The following MDM1 variants were observed in gnomAD, a reference collection of about 807,000 sequenced individuals.
The protein encoded by MDM1 is stabilizer of axonemal microtubules 6, also known as Mdm1 nuclear protein.
In MDM1, 61 loss-of-function variants were observed where a neutral mutation model predicts 89.1. The observed-to-expected ratio is 0.68, with a 90% CI of 0.56 to 0.85. The LOEUF (loss-of-function observed/expected upper bound fraction) is 0.85. Ranked by LOEUF, MDM1 falls within the 40% of genes least tolerant of loss-of-function variation. MDM1 has a pLI of 0.00. For missense variants in MDM1, 820 were observed against 846.5 expected, an observed-to-expected ratio of 0.97 and a Z score of 0.39; for synonymous variants, 290 against 294.1, an observed-to-expected ratio of 0.99 and a Z score of 0.14.
At chr12:68,329,978 C>A (rs1287630319) in intron 2 of MDM1, among the ~76,000 whole-genome samples, 1 of 152,190 alleles carries the variant, frequency 6.6e-6, no homozygotes, top group Non-Finnish European at 1.5e-5. Flanking sequence ...CCTCATCTCC[C>A]TAAGCTTCCA....
Position 68,321,555 on chromosome 12 carries a change from T to C in MDM1, c.875A>G (p.Lys292Arg). Residue 292 changes from lysine (K) to arginine (R), a missense_variant, in exon 6 of 15, where the codon AAG (lysine) becomes AGG (arginine). Physicochemically the swap from Lys to Arg is conservative, Grantham distance 26. Coordinates refer to ENST00000682720, the MANE Select transcript of MDM1 (RefSeq NM_001354969.2). The part of the protein sequence containing the change: ...ELKDLHQPKR[K>R]LTPWKHQRLG... ...CCTTTGATGTTTCCAAGGAGTAAGC[T>C]TCCTTTTAGGCTGGTGTAAGTCTTT... is the stretch of plus-strand genomic sequence containing the variant. 6.2e-7 allele frequency: 1 copy of C among 1,613,376 alleles called. No individual in the cohort carries two copies.
chr12:68,326,660 A>T lies in MDM1; in HGVS notation c.495T>A (p.Asn165Lys). 1 of 1,614,124 alleles carries T rather than the reference A, an allele frequency of 6.2e-7. No individual in the cohort carries two copies. Among genetic ancestry groups the T allele is most frequent in the Non-Finnish European group, 8.5e-7 (1 of 1,179,988 alleles). ...GAAATGCAGTGAATATGCCTACCCC[A>T]TTATCTACATTTTCTGAAAGAACCT... Reference protein sequence around the residue: ...STKVLSENVDNGLDRLLRKKA... With the variant: ...STKVLSENVDKGLDRLLRKKA... Residue 165 changes from asparagine to lysine, a missense_variant, in exon 3 of 15, where the codon AAT becomes AAA. By Grantham distance (94) the Asn-to-Lys change is moderately conservative (BLOSUM62 0). Coordinates refer to ENST00000682720, the MANE Select transcript of MDM1 (RefSeq NM_001354969.2).
chr12:68,303,640 T>TA (rs1156511383), intron 12 of MDM1, among the ~76,000 whole-genome samples: 7 of 152,206 alleles, frequency 4.6e-5, no homozygotes, highest in African/African-American at 7.2e-5. Context: ...CATCTGGTTT[T>TA]AAAAAACTGT....
chr12:68,296,340 A>G (rs961828496), intron 14 of MDM1, among the ~76,000 whole-genome samples: 1 of 152,176 alleles, frequency 6.6e-6, no homozygotes, highest in African/African-American at 2.4e-5. Context: ...TCTACTAAAA[A>G]TACAAAAATT....
Position 68,326,726 on chromosome 12 carries a change from A to G in MDM1, c.429T>C (p.His143=). 6.2e-7 allele frequency: 1 copy of G among 1,614,154 alleles called. No individual in the cohort carries two copies. The highest frequency in any genetic ancestry group is 8.5e-7 in the Non-Finnish European group (1 of 1,180,012). Residue 143 remains histidine (H), a synonymous_variant, in exon 3 of 15, where the codon CAT becomes CAC. Coordinates refer to ENST00000682720, the MANE Select transcript of MDM1 (RefSeq NM_001354969.2). ...DVENNEGVTN[H]TPVNENVELE... ...GTTCCACATTTTCATTAACTGGTGT[A>G]TGGTTTGTTACACCCTCATTATTTT...
chr12:68,315,663 G>A (rs983947794), intron 9 of MDM1, among the ~76,000 whole-genome samples: 1 of 152,084 alleles, frequency 6.6e-6, no homozygotes, highest in Non-Finnish European at 1.5e-5. Context: ...ACAGCAGAGC[G>A]CTCTTCCATA....
chr12:68,320,766 G>T (rs1260287284), intron 7 of MDM1, among the ~76,000 whole-genome samples: 2 of 152,110 alleles, frequency 1.3e-5, no homozygotes, highest in Admixed American at 6.5e-5. Flanking sequence ...TAACAAAAAG[G>T]TTCCATTCTC....
At chr12:68,317,955 T>C (rs1489056591) in intron 7 of MDM1, among the ~76,000 whole-genome samples, 2 of 152,284 alleles carry the variant, frequency 1.3e-5, no homozygotes, top group South Asian at 2.1e-4. Flanking sequence ...CATTAATACA[T>C]ATTCAATTTT....
At chr12:68,304,990 T>C (rs1872679202) in intron 12 of MDM1, among the ~76,000 whole-genome samples, 1 of 152,226 alleles carries the variant, frequency 6.6e-6, no homozygotes, top group Non-Finnish European at 1.5e-5. Context: ...GTTGAGGATT[T>C]TTGTGTCTAC....
chr12:68,327,441 G>A (rs1233668333), intron 2 of MDM1: 2 of 1,535,882 alleles, frequency 1.3e-6, no homozygotes, highest in Admixed American at 3.9e-5. Flanking sequence ...CTCTTATGTG[G>A]AGCAGACCAA....
intron 4 of MDM1, among the ~76,000 whole-genome samples, chr12:68,324,576 T>C (rs1875687603): frequency 1.3e-5 from 2 of 152,196 alleles, no homozygotes; most frequent in South Asian, 4.1e-4. Context: ...TCTTGCTGAA[T>C]CTAATTATCC....
At chr12:68,304,710 C>T (rs1348913300) in intron 12 of MDM1, among the ~76,000 whole-genome samples, 1 of 152,084 alleles carries the variant, frequency 6.6e-6, no homozygotes, top group East Asian at 1.9e-4. Context: ...CCAGGTTTAA[C>T]GTAACTGATT....
rs542901639 is a variant in MDM1 at position 68,326,888 on chromosome 12, C to T, written c.267G>A (p.Pro89=). Residue 89 remains proline (P), a synonymous_variant, in exon 3 of 15, where the codon CCG becomes CCA. Transcript: ENST00000682720. ...NVVASPEPEA[P]ETPKSQEAEQ... Reference sequence around the variant, plus strand: ...CTGCTTCTTGTGATTTTGGTGTTTCCGGGGCTTCTGGTTCTGGTGATGCAA... The same window carrying T: ...CTGCTTCTTGTGATTTTGGTGTTTCTGGGGCTTCTGGTTCTGGTGATGCAA... 1.1e-5 allele frequency: 17 copies of T among 1,613,994 alleles called. No homozygotes were observed. The highest frequency in any genetic ancestry group is 4.0e-5 in the African/African-American group (3 of 74,976).
intron 7 of MDM1, among the ~76,000 whole-genome samples, chr12:68,320,133 C>T (rs866351437): frequency 2.0e-5 from 3 of 152,210 alleles, no homozygotes; most frequent in African/African-American, 2.4e-5. Context: ...TGCCTCTGTC[C>T]TGCTTTTCCT....
At chr12:68,318,751 C>T (rs957172658) in intron 7 of MDM1, among the ~76,000 whole-genome samples, 18 of 152,166 alleles carry the variant, frequency 1.2e-4, no homozygotes, top group African/African-American at 4.3e-4. Flanking sequence ...CATACACACA[C>T]CTTTCTGGGC....
In MDM1 at chr12:68,311,729, T is replaced by C. The variant is rs552882135; in HGVS notation, c.1749+1714A>G. On this transcript the variant is annotated intron_variant, in intron 12 of 14. Coordinates refer to ENST00000682720, the MANE Select transcript of MDM1 (RefSeq NM_001354969.2). ...GTTGTGTCTTCCATCTTGTTCTCACTTCTCTCAACTACTCCTGCATTACTC... is the reference window on the plus strand; with the variant it reads ...GTTGTGTCTTCCATCTTGTTCTCACCTCTCTCAACTACTCCTGCATTACTC... Among the ~76,000 whole-genome samples the C allele has an allele frequency of 6.6e-5, 10 of 152,332 alleles. No homozygotes were observed. In the South Asian group the frequency reaches 8.3e-4, roughly 13 times the overall value.
chr12:68,327,630 C>A, intron 2 of MDM1: 1 of 923,894 alleles, frequency 1.1e-6, no homozygotes, highest in Non-Finnish European at 1.6e-6. Flanking sequence ...AGCAGCTCTG[C>A]AGAATGACAG....
intron 13 of MDM1, among the ~76,000 whole-genome samples, chr12:68,298,283 G>T (rs533592561): frequency 6.6e-6 from 1 of 152,238 alleles, no homozygotes; most frequent in African/African-American, 2.4e-5. Context: ...TAACCAACAC[G>T]CAAGAAAGCC....
chr12:68,298,685 C>T (rs867516920), intron 13 of MDM1, among the ~76,000 whole-genome samples: 3 of 152,158 alleles, frequency 2.0e-5, no homozygotes, highest in African/African-American at 2.4e-5. Flanking sequence ...GACCTCACTG[C>T]ATTTAACTGA....
Sources: gnomAD v4.1 joint callset for allele counts (sites outside exome capture counted in the v4.1 genomes callset) on GRCh38, gnomAD v4.1.1 for gene constraint, MANE v1.5 for transcripts, NCBI Gene and HGNC (gene_info 2026-07-23, HGNC 2026-07-21) for gene names.